Variants in CDH9 observed in about 807,000 individuals in gnomAD.
The protein encoded by CDH9 is cadherin 9.
In CDH9, 28 loss-of-function variants were observed where a neutral mutation model predicts 70.9. The observed-to-expected ratio is 0.40, with a 90% CI of 0.29 to 0.54. The LOEUF (loss-of-function observed/expected upper bound fraction) is 0.54. Ranked by LOEUF, CDH9 falls within the 20% of genes least tolerant of loss-of-function variation. The pLI is 0.59. For synonymous variants in CDH9, 409 were observed against 343.1 expected (o/e 1.19, Z -2.12); for missense variants, 874 against 984.4 (o/e 0.89, Z 1.50).
chr5:26,996,992 T>C (rs1742677146), intron 1 of CDH9, among the ~76,000 whole-genome samples: 1 of 152,048 alleles, frequency 6.6e-6, no homozygotes, highest in South Asian at 2.1e-4. Flanking sequence ...TTAAAAAATT[T>C]AGTTTCATGC....
At chr5:26,997,462 C>A (rs1240810339) in intron 1 of CDH9, among the ~76,000 whole-genome samples, 1 of 151,984 alleles carries the variant, frequency 6.6e-6, no homozygotes, top group African/African-American at 2.4e-5. Context: ...TGAACTAATG[C>A]AGCTTTAGAA....
rs890958742 is a variant in CDH9 at position 27,035,705 on chromosome 5, T to G, written c.-50+2758A>C. 2.7e-5 allele frequency among the ~76,000 whole-genome samples: 4 copies of G among 149,474 alleles called. No homozygotes were observed. In the East Asian group the frequency reaches 5.9e-4, roughly 22 times the overall value. ...GTGTGTGTGTGTGTGTGTGTGTGTG[T>G]GTGTGGGTGTGTGTGGGTGTGTGTG... On this transcript the variant is annotated intron_variant, in intron 1 of 11. Coordinates refer to ENST00000231021, the MANE Select transcript of CDH9 (RefSeq NM_016279.4).
At chr5:26,928,607 T>C (rs1420281209) in intron 2 of CDH9, among the ~76,000 whole-genome samples, 2 of 152,034 alleles carry the variant, frequency 1.3e-5, no homozygotes, top group African/African-American at 2.4e-5. Context: ...CACGGAGTTA[T>C]AGTAACCAGA....
intron 9 of CDH9, among the ~76,000 whole-genome samples, chr5:26,888,578 A>T (rs563386647): frequency 1.3e-5 from 2 of 152,346 alleles, no homozygotes; most frequent in South Asian, 4.1e-4. Context: ...GCTATGTGAA[A>T]ATTCCATGTT....
rs573688397 is a variant in CDH9, at chr5:26,954,586, G to A, written c.228+33520C>T. Among the ~76,000 whole-genome samples, 1,016 of 151,510 alleles carry A rather than the reference G, an allele frequency of 6.7e-3. 9 individuals are homozygous for A. Among genetic ancestry groups the A allele is most frequent in the African/African-American group, 0.023 (967 of 41,248 alleles). ...TTTTCAGTAGAGACGGGGTTTCACCGTGTTAGCCAGGATGGTCTCAATCTC... is the reference window on the plus strand; with the variant it reads ...TTTTCAGTAGAGACGGGGTTTCACCATGTTAGCCAGGATGGTCTCAATCTC... On this transcript the variant is annotated intron_variant, in intron 2 of 11. Coordinates refer to ENST00000231021, the MANE Select transcript of CDH9 (RefSeq NM_016279.4).
intron 2 of CDH9, among the ~76,000 whole-genome samples, chr5:26,923,086 A>C (rs1464825911): frequency 7.0e-5 from 9 of 129,006 alleles, no homozygotes; most frequent in Middle Eastern, 4.0e-3. Flanking sequence ...AAAAAAAAAA[A>C]CACAAAAAAA....
chr5:26,911,190 T>TA (rs1409803484), intron 3 of CDH9, among the ~76,000 whole-genome samples: 1 of 152,176 alleles, frequency 6.6e-6, no homozygotes, highest in African/African-American at 2.4e-5. Flanking sequence ...GACTAGTTTT[T>TA]ATTACTTAAT....
chr5:26,912,173 T>C (rs1231877881), intron 3 of CDH9, among the ~76,000 whole-genome samples: 2 of 152,090 alleles, frequency 1.3e-5, no homozygotes, highest in African/African-American at 4.8e-5. Flanking sequence ...GAAAATAATT[T>C]TAGAATTAAA....
At chr5:26,942,758 A>G (rs1213875024) in intron 2 of CDH9, among the ~76,000 whole-genome samples, 2 of 152,190 alleles carry the variant, frequency 1.3e-5, no homozygotes, top group Non-Finnish European at 2.9e-5. Flanking sequence ...AACCAGTTAC[A>G]TAGACTAACT....
Position 26,906,048 on chromosome 5 carries a change from A to G in CDH9, c.722T>C (p.Met241Thr), listed in dbSNP as rs1439887070. The change falls in exon 5 of 12, where the codon ATG becomes ACG. Residue 241 changes from methionine to threonine, a missense_variant. Met to Thr is a moderately conservative substitution (Grantham distance 81). Coordinates refer to ENST00000231021, the MANE Select transcript of CDH9 (RefSeq NM_016279.4). ...AGAAAGGCCTCCCATCTGGCCACCC[A>G]TGTCTTTGGCCTGTATAACAACCTG... ...QYQVVIQAKD[M>T]GGQMGGLSGT... The G allele has an allele frequency of 6.2e-7, 1 of 1,613,778 alleles. No homozygotes were observed. Among genetic ancestry groups the G allele is most frequent in the Non-Finnish European group, 8.5e-7 (1 of 1,179,668 alleles).
At chr5:27,033,654 C>T (rs999303808) in intron 1 of CDH9, among the ~76,000 whole-genome samples, 5 of 151,218 alleles carry the variant, frequency 3.3e-5, no homozygotes, top group Non-Finnish European at 5.9e-5. Context: ...AACAAAAAAA[C>T]ACAATTTTTT....
chr5:26,974,816 G>GTA (rs757141359), intron 2 of CDH9, among the ~76,000 whole-genome samples: 1 of 150,746 alleles, frequency 6.6e-6, no homozygotes, highest in Admixed American at 6.6e-5. Context: ...TTACCCTTTT[G>GTA]TGTGTGTGTG....
intron 1 of CDH9, among the ~76,000 whole-genome samples, chr5:27,021,253 ACT>A: frequency 6.6e-6 from 1 of 151,978 alleles, no homozygotes; most frequent in Non-Finnish European, 1.5e-5. Context: ...TGAATTGCAC[ACT>A]GTGTCTATAT....
chr5:26,928,920 A>G (rs1477922622), intron 2 of CDH9, among the ~76,000 whole-genome samples: 1 of 152,090 alleles, frequency 6.6e-6, no homozygotes, highest in African/African-American at 2.4e-5. Context: ...CCTCTCCAGG[A>G]TATTGGTTTG....
intron 2 of CDH9, among the ~76,000 whole-genome samples, chr5:26,946,147 G>T (rs966804350): frequency 6.6e-6 from 1 of 152,132 alleles, no homozygotes; most frequent in African/African-American, 2.4e-5. Flanking sequence ...TAACTTGAAA[G>T]TTTCTAGCTG....
At chr5:26,893,201 TTAATA>T (rs1226884732) in intron 7 of CDH9, among the ~76,000 whole-genome samples, 5 of 152,180 alleles carry the variant, frequency 3.3e-5, no homozygotes, top group South Asian at 2.1e-4. Context: ...TTTTAACAAT[TTAATA>T]TAGTACATGA....
At chr5:26,963,487 C>T (rs1487998799) in intron 2 of CDH9, among the ~76,000 whole-genome samples, 2 of 151,930 alleles carry the variant, frequency 1.3e-5, no homozygotes, top group African/African-American at 4.8e-5. Context: ...TTCAGCCCAT[C>T]GAGAACATTT....
At chr5:27,023,386 G>A (rs576665182) in intron 1 of CDH9, among the ~76,000 whole-genome samples, 2 of 152,010 alleles carry the variant, frequency 1.3e-5, no homozygotes, top group Admixed American at 6.6e-5. Flanking sequence ...GAATTCAATG[G>A]TACTCATTTT....
chr5:27,019,322 G>A (rs1162589830), intron 1 of CDH9, among the ~76,000 whole-genome samples: 1 of 151,894 alleles, frequency 6.6e-6, no homozygotes, highest in Admixed American at 6.6e-5. Flanking sequence ...TCCAAATAAT[G>A]ACATTTTTGG....
Sources: gnomAD v4.1 joint callset for allele counts (sites outside exome capture counted in the v4.1 genomes callset) on GRCh38, gnomAD v4.1.1 for gene constraint, MANE v1.5 for transcripts, NCBI Gene and HGNC (gene_info 2026-07-23, HGNC 2026-07-21) for gene names.